The following MAPK9 variants were observed in gnomAD, a reference collection of about 807,000 sequenced individuals.
MAPK9 encodes the protein mitogen-activated protein kinase 9, also known as Jun kinase.
In MAPK9, 30 loss-of-function variants were observed where a neutral mutation model predicts 57.1. The ratio of observed to expected loss-of-function variants is 0.53; its 90% CI spans 0.39 to 0.71. MAPK9 has a LOEUF of 0.71. Ranked by LOEUF, MAPK9 falls within the 30% of genes least tolerant of loss-of-function variation. MAPK9 has a pLI of 0.00. For synonymous variants in MAPK9, 155 were observed against 177.0 expected, an observed-to-expected ratio of 0.88 and a Z score of 0.99; for missense variants, 362 against 521.0, an observed-to-expected ratio of 0.69 and a Z score of 2.97.
chr5:180,260,063 A>G (rs1759762149), intron 5 of MAPK9, among the ~76,000 whole-genome samples: 1 of 152,264 alleles, frequency 6.6e-6, no homozygotes. Flanking sequence ...ATTAAAAAGC[A>G]CATGGAACTC....
intron 8 of MAPK9, 49 bp downstream of exon 8, chr5:180,242,524 C>T (rs1236552526): frequency 4.6e-6 from 7 of 1,511,642 alleles, no homozygotes; most frequent in Admixed American, 1.8e-5. Flanking sequence ...AGAGTGAAAG[C>T]ACCACCTGAA....
At chr5:180,251,846 T>G (rs1377010997) in intron 5 of MAPK9, among the ~76,000 whole-genome samples, 1 of 151,904 alleles carries the variant, frequency 6.6e-6, no homozygotes, top group African/African-American at 2.4e-5. Context: ...GGTGCTGACC[T>G]CCCCCACTGC....
chr5:180,290,348 G>A (rs1763121929), intron 1 of MAPK9, among the ~76,000 whole-genome samples: 1 of 152,042 alleles, frequency 6.6e-6, no homozygotes, highest in Non-Finnish European at 1.5e-5. Flanking sequence ...TCACCCTCAA[G>A]GCCCCCCAGC....
Position 180,236,341 on chromosome 5 carries a change from T to C in MAPK9, c.*43A>G, listed in dbSNP as rs535645019. On this transcript the variant is annotated 3_prime_UTR_variant, in exon 12 of 12. Coordinates refer to ENST00000452135, the MANE Select transcript of MAPK9 (RefSeq NM_002752.5). ...CCCAAGCATTTCAGGCCCACGGAGG[T>C]GAGAGTTCCTTCAATGCTGACAGGT... is the stretch of plus-strand genomic sequence containing the variant. The C allele has an allele frequency of 8.2e-5, 128 of 1,561,098 alleles. No individual in the cohort carries two copies. The highest frequency in any genetic ancestry group is 1.0e-4 in the Non-Finnish European group (118 of 1,146,236).
rs1758244211 is a variant in MAPK9 at position 180,247,550 on chromosome 5, GAACAA to G, written c.617-45_617-41del. 9.0e-6 allele frequency: 14 copies of G among 1,557,566 alleles called. No individual in the cohort carries two copies. In the East Asian group the frequency reaches 1.4e-4, roughly 15 times the overall value. ...AAATGATAAAATTATGAAGTGCCAT[GAACAA>G]AACAAAAGTGAGGAAAAGGAATTCT... On this transcript the variant is annotated intron_variant, in intron 6 of 11. Coordinates refer to ENST00000452135, the MANE Select transcript of MAPK9 (RefSeq NM_002752.5). This position sits in a 1 kb window ranked among gnomAD's most constrained non-coding sequence, Gnocchi z 4.5.
At chr5:180,275,608 C>G (rs1051083108) in intron 2 of MAPK9, among the ~76,000 whole-genome samples, 1 of 152,236 alleles carries the variant, frequency 6.6e-6, no homozygotes, top group African/African-American at 2.4e-5. Context: ...TGTGCTTCCC[C>G]AGATCCTGAC....
intron 2 of MAPK9, among the ~76,000 whole-genome samples, chr5:180,278,444 G>C (rs984479858): frequency 6.6e-6 from 1 of 152,236 alleles, no homozygotes; most frequent in African/African-American, 2.4e-5. Context: ...GCTCATGCCT[G>C]TAATCCCAGC....
chr5:180,283,019 C>T (rs371257396), intron 1 of MAPK9, among the ~76,000 whole-genome samples: 35 of 152,238 alleles, frequency 2.3e-4, no homozygotes, highest in African/African-American at 7.9e-4. Flanking sequence ...CTATGAGCCC[C>T]AGAAGCCACG....
chr5:180,270,858 C>CAAAAA (rs761904802), intron 2 of MAPK9, among the ~76,000 whole-genome samples: 5 of 81,976 alleles, frequency 6.1e-5, no homozygotes, highest in Admixed American at 1.3e-4. Flanking sequence ...CCCAGGGTCT[C>CAAAAA]AAAAAAAAAA....
intron 3 of MAPK9, among the ~76,000 whole-genome samples, chr5:180,268,201 T>C (rs2127603869): frequency 6.6e-6 from 1 of 152,326 alleles, no homozygotes; most frequent in Middle Eastern, 3.4e-3. Flanking sequence ...ACAATGTGCT[T>C]GATTGAACCC....
rs147326392 is a variant in MAPK9 at position 180,283,800 on chromosome 5, G to T, written c.-47-3192C>A. Among the ~76,000 whole-genome samples the T allele has an allele frequency of 4.0e-3, 602 of 152,302 alleles. 1 individual carries two copies. The highest frequency in any genetic ancestry group is 7.3e-3 in the Non-Finnish European group (498 of 68,036). On this transcript the variant is annotated intron_variant, in intron 1 of 11. Transcript: ENST00000452135. ...AAAATACAAAAATTAGCCGGGTGTG[G>T]TAGTGCGTGCCTGTAATCCCAGCTA...
At chr5:180,272,702 T>C (rs1306477257) in intron 2 of MAPK9, among the ~76,000 whole-genome samples, 1 of 152,224 alleles carries the variant, frequency 6.6e-6, no homozygotes, top group South Asian at 2.1e-4. Flanking sequence ...CCTTCCATCA[T>C]TGCTATAAGA....
intron 5 of MAPK9, among the ~76,000 whole-genome samples, chr5:180,257,208 C>A (rs1226952060): frequency 6.6e-6 from 1 of 152,208 alleles, no homozygotes; most frequent in Non-Finnish European, 1.5e-5. Context: ...AGGCTTGAGA[C>A]GAGACAACCC....
chr5:180,271,767 A>C (rs1402390143), intron 2 of MAPK9, among the ~76,000 whole-genome samples: 1 of 152,182 alleles, frequency 6.6e-6, no homozygotes, highest in East Asian at 1.9e-4. Flanking sequence ...CACTCATAAG[A>C]GGGTGAGACT....
intron 1 of MAPK9, among the ~76,000 whole-genome samples, chr5:180,285,788 T>G (rs1489317847): frequency 6.6e-6 from 1 of 150,470 alleles, no homozygotes; most frequent in Non-Finnish European, 1.5e-5. Context: ...ATAATAATAG[T>G]AAAAATCTGG....
intron 2 of MAPK9, among the ~76,000 whole-genome samples, chr5:180,274,990 T>C (rs1456882016): frequency 6.6e-6 from 1 of 152,202 alleles, no homozygotes; most frequent in Non-Finnish European, 1.5e-5. Context: ...TCTAGAATTT[T>C]GATTTATTCC....
At chr5:180,290,349 G>GC in intron 1 of MAPK9, among the ~76,000 whole-genome samples, 1 of 151,996 alleles carries the variant, frequency 6.6e-6, no homozygotes, top group East Asian at 1.9e-4. Flanking sequence ...CACCCTCAAG[G>GC]CCCCCCAGCA....
In MAPK9 at chr5:180,242,690, G is replaced by A; in HGVS notation, c.754C>T (p.Leu252Phe). The change falls in exon 8 of 12, where the codon CTT (leucine) becomes TTT (phenylalanine). Residue 252 changes from leucine (L) to phenylalanine (F), a missense_variant. By Grantham distance (22) the Leu-to-Phe change is conservative. Coordinates refer to ENST00000452135, the MANE Select transcript of MAPK9 (RefSeq NM_002752.5). ...ACATAATTCCTCACAGTTGGCTGAA[G>A]TTTCTTCATGAACTCTGCTGATGGT... ...GTPSAEFMKK[L>F]QPTVRNYVEN... 1 of 1,614,146 alleles carries A rather than the reference G, an allele frequency of 6.2e-7. No individual in the cohort carries two copies. Among genetic ancestry groups the A allele is most frequent in the Non-Finnish European group, 8.5e-7 (1 of 1,180,002 alleles).
intron 2 of MAPK9, among the ~76,000 whole-genome samples, chr5:180,279,419 T>C (rs1483730555): frequency 2.0e-5 from 3 of 152,170 alleles, no homozygotes; most frequent in Non-Finnish European, 4.4e-5. Context: ...AATTTCCTCT[T>C]AGCTCCCAGG....
Sources: gnomAD v4.1 joint callset for allele counts (sites outside exome capture counted in the v4.1 genomes callset) on GRCh38, gnomAD v4.1.1 for gene constraint, Gnocchi (gnomAD v3.1) non-coding constraint, MANE v1.5 for transcripts, NCBI Gene and HGNC (gene_info 2026-07-23, HGNC 2026-07-21) for gene names.